The following LGI1 variants were observed in gnomAD, a reference collection of about 807,000 sequenced individuals.
The protein encoded by LGI1 is leucine-rich glioma-inactivated protein 1.
A neutral mutation model predicts 57.7 loss-of-function variants in LGI1; 11 were observed. That is an observed-to-expected ratio of 0.19 (90% CI 0.12 to 0.32). LGI1 has a LOEUF of 0.32. LGI1 is among the 10% of genes least tolerant of loss of function. The pLI is 1.00. For synonymous variants in LGI1, 222 were observed against 241.9 expected (o/e 0.92, Z 0.76); for missense variants, 422 against 661.9 (o/e 0.64, Z 3.98).
At position 93,758,349 on chromosome 10, in the gene LGI1, G is replaced by A. The variant is rs147469708; in HGVS notation, c.205G>A (p.Val69Ile). The A allele has an allele frequency of 9.7e-5, 157 of 1,613,788 alleles. No homozygotes were observed. The highest frequency in any genetic ancestry group is 1.2e-4 in the Non-Finnish European group (144 of 1,179,900). ...RSIPRTVPPD[V>I]ISLSFVRSGF... Reference sequence around the variant, plus strand: ...CATTCCACGCACCGTTCCTCCTGATGTTATCTCATTGTAAGGCCCGTAAGC... The same window carrying A: ...CATTCCACGCACCGTTCCTCCTGATATTATCTCATTGTAAGGCCCGTAAGC... Residue 69 changes from valine (V) to isoleucine (I), a missense_variant, in exon 1 of 8, where the codon GTT (valine) becomes ATT (isoleucine). Physicochemically the swap from Val to Ile is conservative, Grantham distance 29. Around this residue, in one of 3 missense-constraint regions of LGI1, gnomAD observed 63 missense variants for 138.4 expected, o/e 0.46. Coordinates refer to ENST00000371418, the MANE Select transcript of LGI1 (RefSeq NM_005097.4). This position sits in a 1 kb window ranked among gnomAD's most constrained non-coding sequence, Gnocchi z 4.7.
chr10:93,796,079 A>G (rs1253737475), intron 7 of LGI1, among the ~76,000 whole-genome samples: 2 of 152,268 alleles, frequency 1.3e-5, no homozygotes, highest in Admixed American at 6.5e-5. Flanking sequence ...CCCAAAGGAT[A>G]CCAAGCTAGG....
At chr10:93,793,125 A>G (rs2059950365) in intron 6 of LGI1, 61 bp from the exon 7 acceptor site, 15 of 1,401,068 alleles carry the variant, frequency 1.1e-5, no homozygotes, top group Admixed American at 1.9e-5. Flanking sequence ...GTGAATATTT[A>G]AGATCTAGCC....
chr10:93,781,692 T>C (rs2059849157), intron 4 of LGI1, among the ~76,000 whole-genome samples: 1 of 152,184 alleles, frequency 6.6e-6, no homozygotes, highest in South Asian at 2.1e-4. Flanking sequence ...GAATAAAAAA[T>C]TAGTTTATGA....
At chr10:93,794,008 TC>T (rs2059957877) in intron 7 of LGI1, 1 of 117,898 alleles carries the variant, frequency 8.5e-6, no homozygotes, top group Non-Finnish European at 1.6e-5. Flanking sequence ...TTTTCTTTTT[TC>T]TTTTTTTTTC....
intron 2 of LGI1, chr10:93,765,692 TTGGCGCGG>T (rs2059666344): frequency 6.6e-6 from 1 of 152,132 alleles, no homozygotes; most frequent in Admixed American, 6.5e-5. Context: ...CAACGATGGC[TTGGCGCGG>T]TGGCTCACGC....
At chr10:93,771,294 T>C (rs1472267550) in intron 2 of LGI1, 1 of 152,188 alleles carries the variant, frequency 6.6e-6, no homozygotes, top group Admixed American at 6.5e-5. Context: ...AAAGAAAATG[T>C]TAAGGGGAAG....
chr10:93,782,709 T>G (rs1414460879), intron 4 of LGI1: 1 of 152,230 alleles, frequency 6.6e-6, no homozygotes, highest in Non-Finnish European at 1.5e-5. Flanking sequence ...ACACTTTCTA[T>G]GAAATTAAAG....
At chr10:93,775,998 A>G (rs1027903589) in intron 2 of LGI1, 4 of 152,218 alleles carry the variant, frequency 2.6e-5, no homozygotes, top group Admixed American at 2.0e-4. Context: ...TTCCAGAGCC[A>G]TGAAGTGAGA....
chr10:93,796,631 A>T (rs2059982141), intron 7 of LGI1, among the ~76,000 whole-genome samples: 1 of 152,242 alleles, frequency 6.6e-6, no homozygotes, highest in Admixed American at 6.5e-5. Context: ...CATTAGAATT[A>T]TGATTAACTC....
chr10:93,777,463 GC>G lies in LGI1; in HGVS notation c.359+14del, dbSNP rs1220316209. ...ATCTAGAGTATTTGTAAGTAAAAAA[GC>G]TTTTTTAAAACATGATGATTCAGGA... On this transcript the variant is annotated intron_variant, in intron 3 of 7. Transcript: ENST00000371418. 5 of 1,613,094 alleles carry G rather than the reference GC, an allele frequency of 3.1e-6. No homozygotes were observed. In the Admixed American group the frequency reaches 6.7e-5, roughly 22 times the overall value.
chr10:93,768,140 C>G (rs1208284108), intron 2 of LGI1: 2 of 152,212 alleles, frequency 1.3e-5, no homozygotes, highest in Non-Finnish European at 2.9e-5. Flanking sequence ...TTTTTGTGTA[C>G]ATAAACCTCT....
At chr10:93,796,814 C>T (rs927997774) in intron 7 of LGI1, among the ~76,000 whole-genome samples, 154 bp from the exon 8 acceptor site, 8 of 152,196 alleles carry the variant, frequency 5.3e-5, no homozygotes, top group African/African-American at 1.9e-4. Flanking sequence ...GACACTGCTG[C>T]CATTGGGCTT....
chr10:93,777,204 A>T (rs1401904804), intron 2 of LGI1, 175 bp from the exon 3 acceptor site: 2 of 665,886 alleles, frequency 3.0e-6, no homozygotes, highest in Admixed American at 4.4e-5. Flanking sequence ...TGATGAGGAG[A>T]TGATTAGGAG....
At chr10:93,785,471 G>C (rs559478804) in intron 4 of LGI1, among the ~76,000 whole-genome samples, 1 of 152,090 alleles carries the variant, frequency 6.6e-6, no homozygotes, top group African/African-American at 2.4e-5. Context: ...AAATTAACTT[G>C]GCTAAGGACA....
chr10:93,769,413 T>C (rs1310662068), intron 2 of LGI1: 1 of 152,220 alleles, frequency 6.6e-6, no homozygotes, highest in Non-Finnish European at 1.5e-5. Context: ...CAAAGTCTTC[T>C]TGGGGCAGGT....
chr10:93,780,907 G>A (rs2059841409), intron 4 of LGI1, among the ~76,000 whole-genome samples: 1 of 152,096 alleles, frequency 6.6e-6, no homozygotes, highest in Non-Finnish European at 1.5e-5. Flanking sequence ...ATACTTTCAG[G>A]TCCAGCTGGT....
intron 4 of LGI1, among the ~76,000 whole-genome samples, chr10:93,783,602 C>T (rs1257913809): frequency 6.6e-6 from 1 of 152,106 alleles, no homozygotes; most frequent in Non-Finnish European, 1.5e-5. Context: ...TGAGCTTTCT[C>T]CCCCAGTGCC....
chr10:93,770,401 C>T (rs3781270), intron 2 of LGI1: 78,577 of 152,216 alleles, frequency 0.52, 21,072 homozygotes, highest in Middle Eastern at 0.6. Flanking sequence ...CCAGTCCTTT[C>T]GCTCTTATGC....
chr10:93,759,965 G>C (rs1178927499), intron 2 of LGI1, among the ~76,000 whole-genome samples: 1 of 152,162 alleles, frequency 6.6e-6, no homozygotes, highest in Non-Finnish European at 1.5e-5. Flanking sequence ...ATACTTCCAA[G>C]GTTTAAGTAG....
Sources: gnomAD v4.1 joint callset for allele counts (sites outside exome capture counted in the v4.1 genomes callset) on GRCh38, gnomAD v4.1.1 for gene constraint, gnomAD v4.1.1 regional missense constraint, Gnocchi (gnomAD v3.1) non-coding constraint, MANE v1.5 for transcripts, NCBI Gene and HGNC (gene_info 2026-07-23, HGNC 2026-07-21) for gene names.